MYLK: variants seen among roughly 807,000 people sequenced by gnomAD.
MYLK encodes the protein myosin light chain kinase, also known as myosin light chain kinase, smooth muscle.
A neutral mutation model predicts 203.4 loss-of-function variants in MYLK; 106 were observed. The observed-to-expected ratio is 0.52, with a 90% CI of 0.45 to 0.61. The LOEUF is 0.61. MYLK is among the 20% of genes least tolerant of loss of function. MYLK has a pLI of 0.00. For missense variants in MYLK, 2,072 were observed against 2,442.3 expected (o/e 0.85, Z 3.20); for synonymous variants, 867 against 959.5 (o/e 0.90, Z 1.78).
chr3:123,790,630 A>G (rs1384984285), intron 4 of MYLK, among the ~76,000 whole-genome samples: 2 of 152,248 alleles, frequency 1.3e-5, no homozygotes, highest in African/African-American at 4.8e-5. Flanking sequence ...AAAAACAGGC[A>G]TAAAAAGGAA....
At chr3:123,876,710 C>T (rs1298508167) in intron 1 of MYLK, 93 bp from the exon 2 acceptor site, 1 of 152,152 alleles carries the variant, frequency 6.6e-6, no homozygotes, top group African/African-American at 2.4e-5. Context: ...CTTTGTTAAA[C>T]CAGAGATTCC....
chr3:123,734,246 T>G (rs1187269177), intron 9 of MYLK, 24 bp from the exon 10 acceptor site: 5 of 1,415,690 alleles, frequency 3.5e-6, no homozygotes, highest in Middle Eastern at 2.3e-4. Flanking sequence ...AGGGTGGGGG[T>G]AGGGTGGGTG....
intron 4 of MYLK, among the ~76,000 whole-genome samples, chr3:123,788,050 G>C (rs2064609767): frequency 6.6e-6 from 1 of 152,120 alleles, no homozygotes; most frequent in Non-Finnish European, 1.5e-5. Flanking sequence ...TTCATGCAAG[G>C]GGAACCATCC....
intron 2 of MYLK, among the ~76,000 whole-genome samples, chr3:123,861,327 A>C (rs1163563885): frequency 1.4e-4 from 21 of 152,244 alleles, no homozygotes; most frequent in Non-Finnish European, 1.5e-5. Flanking sequence ...ATCGCTCACC[A>C]GCAATGCGCC....
At chr3:123,666,989 A>G in intron 21 of MYLK, 148 bp downstream of exon 21, 1 of 749,228 alleles carries the variant, frequency 1.3e-6, no homozygotes, top group East Asian at 2.6e-5. Context: ...TCAGCCTGAA[A>G]AATGCAGAGC....
chr3:123,760,215 G>C (rs1214404491), intron 4 of MYLK, among the ~76,000 whole-genome samples: 1 of 152,210 alleles, frequency 6.6e-6, no homozygotes, highest in African/African-American at 2.4e-5. Context: ...TCTTGCTCTT[G>C]TTGCCCAGGC....
Position 123,653,986 on chromosome 3 carries a change from TTGTGTGTGTGTG to T in MYLK, c.4288+3128_4288+3139del, listed in dbSNP as rs752791805. Among the ~76,000 whole-genome samples, 599 of 137,756 alleles carry T rather than the reference TTGTGTGTGTGTG, an allele frequency of 4.3e-3. 3 individuals are homozygous for T. Among genetic ancestry groups the T allele is most frequent in the African/African-American group, 0.014 (518 of 37,198 alleles). The allele number at this position is 137,756 out of a possible 152,430, so 90.4% of individuals were successfully genotyped here. On this transcript the variant is annotated intron_variant, in intron 24 of 33. Coordinates refer to ENST00000360304, the MANE Select transcript of MYLK (RefSeq NM_053025.4). ...CCACTCTGCTCATTTCAGAGGGATG[TTGTGTGTGTGTG>T]TGTGTGTGTGTGTGTGTGTGTGTGT...
chr3:123,711,453 G>A (rs1306302193), intron 13 of MYLK, among the ~76,000 whole-genome samples: 2 of 152,146 alleles, frequency 1.3e-5, no homozygotes, highest in African/African-American at 2.4e-5. Context: ...GAGGCCTGGC[G>A]CCTCACTCAC....
At chr3:123,771,974 C>T (rs1176132883) in intron 4 of MYLK, among the ~76,000 whole-genome samples, 2 of 151,742 alleles carry the variant, frequency 1.3e-5, no homozygotes, top group Admixed American at 6.6e-5. Context: ...ATTTGGGAAC[C>T]GTCTACACCT....
chr3:123,694,219 G>A (rs566787318), intron 18 of MYLK, among the ~76,000 whole-genome samples: 4 of 152,280 alleles, frequency 2.6e-5, no homozygotes, highest in South Asian at 4.2e-4. Context: ...TGGGGCAAGA[G>A]GGCTGATCTG....
At chr3:123,828,048 A>C (rs2066193321) in intron 3 of MYLK, among the ~76,000 whole-genome samples, 1 of 151,924 alleles carries the variant, frequency 6.6e-6, no homozygotes, top group South Asian at 2.1e-4. Flanking sequence ...ATATTGTTAA[A>C]ATGACAATAT....
At chr3:123,803,749 A>G (rs984920692) in intron 3 of MYLK, among the ~76,000 whole-genome samples, 3 of 152,210 alleles carry the variant, frequency 2.0e-5, no homozygotes, top group African/African-American at 4.8e-5. Context: ...CAGGCAAATC[A>G]GGCAGGCACA....
intron 3 of MYLK, among the ~76,000 whole-genome samples, chr3:123,800,460 G>A (rs2065156112): frequency 1.3e-5 from 2 of 152,084 alleles, no homozygotes; most frequent in Non-Finnish European, 1.5e-5. Context: ...GCAAGCAGAT[G>A]GATGGAGAAC....
At chr3:123,710,726 T>A (rs918737517) in intron 13 of MYLK, among the ~76,000 whole-genome samples, 10 of 152,170 alleles carry the variant, frequency 6.6e-5, no homozygotes, top group African/African-American at 2.4e-4. Flanking sequence ...CCTGGGTATG[T>A]CCCTGAGAGA....
chr3:123,709,708 C>A, intron 14 of MYLK, 48 bp downstream of exon 14: 12 of 1,611,468 alleles, frequency 7.4e-6, no homozygotes, highest in Non-Finnish European at 1.0e-5. Context: ...CCATTGCAAC[C>A]AAGACCATTT....
chr3:123,640,659 A>G lies in MYLK; in HGVS notation c.4620-155T>C, dbSNP rs1290122706. On this transcript the variant is annotated intron_variant, in intron 27 of 33. Coordinates refer to ENST00000360304, the MANE Select transcript of MYLK (RefSeq NM_053025.4). This position sits in a 1 kb window ranked among gnomAD's most constrained non-coding sequence, Gnocchi z 4.3. ...AATTCCTGAATCCCCACCCTCCGAC[A>G]TGGGAGAAGGGTCAGGGCCTCCTGG... Among the ~76,000 whole-genome samples, 1 of 152,122 alleles carries G rather than the reference A, an allele frequency of 6.6e-6. No homozygotes were observed. The highest frequency in any genetic ancestry group is 1.5e-5 in the Non-Finnish European group (1 of 68,014).
intron 2 of MYLK, among the ~76,000 whole-genome samples, chr3:123,840,444 T>A (rs1037132289): frequency 6.6e-6 from 1 of 150,804 alleles, no homozygotes; most frequent in African/African-American, 2.4e-5. Flanking sequence ...TATAAACAAA[T>A]CTATGTCATA....
intron 13 of MYLK, among the ~76,000 whole-genome samples, chr3:123,720,083 G>A (rs2062034343): frequency 6.6e-6 from 1 of 152,190 alleles, no homozygotes; most frequent in South Asian, 2.1e-4. Context: ...GAGCCTGTCT[G>A]GTCTTTATAG....
At chr3:123,722,817 C>G (rs2108743073) in intron 12 of MYLK, among the ~76,000 whole-genome samples, 1 of 152,306 alleles carries the variant, frequency 6.6e-6, no homozygotes, top group Non-Finnish European at 1.5e-5. Flanking sequence ...TCTGCATCCC[C>G]CACCCACTGT....
Sources: allele counts gnomAD v4.1 joint callset (sites outside exome capture counted in the v4.1 genomes callset), GRCh38; gene constraint gnomAD v4.1.1; non-coding constraint Gnocchi (gnomAD v3.1); transcripts MANE v1.5; gene names NCBI Gene and HGNC (gene_info 2026-07-23, HGNC 2026-07-21).